The following ANO10 variants were observed in gnomAD, a reference collection of about 807,000 sequenced individuals.
ANO10 encodes anoctamin-10.
A neutral mutation model predicts 74.7 loss-of-function variants in ANO10; 77 were observed. The observed-to-expected ratio is 1.03, with a 90% CI of 0.86 to 1.25. The LOEUF is 1.25. Ranked by LOEUF, ANO10 falls within the 50% of genes most tolerant of loss-of-function variation. The pLI is 0.00. For synonymous variants in ANO10, 279 were observed against 284.9 expected (o/e 0.98, Z 0.21); for missense variants, 721 against 778.1 (o/e 0.93, Z 0.87).
chr3:43,556,511 G>A (rs1349731629), intron 9 of ANO10, among the ~76,000 whole-genome samples: 2 of 152,132 alleles, frequency 1.3e-5, no homozygotes, highest in South Asian at 2.1e-4. Flanking sequence ...ATAGCTACAC[G>A]TTAACACTGT....
chr3:43,682,033 A>G (rs1180703780), intron 1 of ANO10, among the ~76,000 whole-genome samples: 1 of 152,216 alleles, frequency 6.6e-6, no homozygotes, highest in Non-Finnish European at 1.5e-5. Context: ...GAGAAGCAAG[A>G]GCAAACACAT....
intron 12 of ANO10, chr3:43,372,917 CCT>C: frequency 6.9e-7 from 1 of 1,457,524 alleles, no homozygotes; most frequent in Non-Finnish European, 9.2e-7. Flanking sequence ...ACTTGTGAAG[CCT>C]CTTTTTTTCA....
intron 7 of ANO10, among the ~76,000 whole-genome samples, chr3:43,568,306 A>C (rs1245005266): frequency 1.3e-4 from 20 of 152,090 alleles, no homozygotes; most frequent in Admixed American, 1.3e-3. Context: ...GATACCCAGG[A>C]ATTGAACTCA....
rs1204859600 is a variant in ANO10 at position 43,574,799 on chromosome 3, C to T, written c.1218+10G>A. On this transcript the variant is annotated intron_variant, in intron 7 of 12. Transcript: ENST00000292246. Reference sequence around the variant, plus strand: ...CATAAAATGGATTTGTACATAAACGCTGTACTTACCACTAAAACTTTCAGA... The same window carrying T: ...CATAAAATGGATTTGTACATAAACGTTGTACTTACCACTAAAACTTTCAGA... The T allele has an allele frequency of 2.5e-6, 4 of 1,610,216 alleles. No individual in the cohort carries two copies. The East Asian group carries it at 6.7e-5, about 27-fold the overall frequency.
At chr3:43,424,464 C>T (rs2092868043) in intron 12 of ANO10, 1 of 152,236 alleles carries the variant, frequency 6.6e-6, no homozygotes, top group Non-Finnish European at 1.5e-5. Context: ...GCAACTTCCC[C>T]AGTTACTCCT....
At position 43,561,299 on chromosome 3, in the gene ANO10, T is replaced by C. The variant is rs775884584; in HGVS notation, c.1397A>G (p.Lys466Arg). Reference protein sequence around the residue: ...QRKHGVRVKRKVQALKADIDA... With the variant: ...QRKHGVRVKRRVQALKADIDA... ...AATGTCTGCCTTTAAAGCCTGCACC[T>C]TCCTCTTCACCCGCACACCATGCTT... Residue 466 changes from lysine to arginine, a missense_variant, in exon 9 of 13, where the codon AAG becomes AGG. Lys to Arg is a conservative substitution (Grantham distance 26). Transcript: ENST00000292246. 6 of 1,614,068 alleles carry C rather than the reference T, an allele frequency of 3.7e-6. No individual in the cohort carries two copies. The highest frequency in any genetic ancestry group is 5.1e-6 in the Non-Finnish European group (6 of 1,180,030).
At chr3:43,459,780 C>T (rs1230535708) in intron 11 of ANO10, among the ~76,000 whole-genome samples, 4 of 152,092 alleles carry the variant, frequency 2.6e-5, no homozygotes, top group African/African-American at 9.7e-5. Flanking sequence ...GGACTGAGCT[C>T]CAGGCTGGTG....
chr3:43,622,874 T>C (rs1559795182), upstream of ANO10, among the ~76,000 whole-genome samples: 1 of 152,204 alleles, frequency 6.6e-6, no homozygotes, highest in Admixed American at 6.5e-5. Context: ...CTTTTTGTTG[T>C]TGTTGTTTTG....
rs192531429 is a variant in ANO10 at position 43,577,004 on chromosome 3, G to T, written c.850C>A (p.Pro284Thr). The change falls in exon 6 of 13, where the codon CCC becomes ACC. Residue 284 changes from proline (P) to threonine (T), a missense_variant. Physicochemically the swap from Pro to Thr is conservative, Grantham distance 38. Coordinates refer to ENST00000292246, the MANE Select transcript of ANO10 (RefSeq NM_018075.5). ...TLLMKRKFEE[P>T]RPGFHGVLGI... ...AAGACACCATGAAATCCTGGCCGGG[G>T]CTCCTCAAACTTTCTCTTCATGAGC... 89 of 1,613,736 alleles carry T rather than the reference G, an allele frequency of 5.5e-5. No homozygotes were observed. In the Admixed American group the frequency reaches 1.4e-3, roughly 25 times the overall value.
intron 11 of ANO10, among the ~76,000 whole-genome samples, chr3:43,528,467 A>T (rs973184798): frequency 6.6e-6 from 1 of 152,130 alleles, no homozygotes; most frequent in Admixed American, 6.5e-5. Flanking sequence ...ACAAATGAAC[A>T]AAATGGAAGA....
At chr3:43,632,959 A>G (rs754501363) in intron 1 of ANO10, among the ~76,000 whole-genome samples, 2 of 152,198 alleles carry the variant, frequency 1.3e-5, no homozygotes, top group Non-Finnish European at 2.9e-5. Context: ...TTTAAATATA[A>G]CAGCAACCTT....
At chr3:43,597,912 T>C (rs1040918158) in intron 4 of ANO10, among the ~76,000 whole-genome samples, 6 of 151,490 alleles carry the variant, frequency 4.0e-5, no homozygotes, top group African/African-American at 1.5e-4. Context: ...AGCAAGACTG[T>C]CTCAAAAAAA....
intron 1 of ANO10, among the ~76,000 whole-genome samples, chr3:43,630,646 A>T (rs1277337464): frequency 6.6e-6 from 1 of 152,172 alleles, no homozygotes; most frequent in Non-Finnish European, 1.5e-5. Context: ...TGCCTGGAAT[A>T]CTGTCCCCCA....
chr3:43,476,861 T>C (rs1277318217), intron 11 of ANO10, among the ~76,000 whole-genome samples: 1 of 152,214 alleles, frequency 6.6e-6, no homozygotes, highest in East Asian at 1.9e-4. Context: ...AAAGAAAACA[T>C]AGCAAACCTT....
intron 4 of ANO10, among the ~76,000 whole-genome samples, chr3:43,584,725 C>T (rs1442773963): frequency 6.6e-6 from 1 of 152,144 alleles, no homozygotes; most frequent in African/African-American, 2.4e-5. Flanking sequence ...CTAACTGCTT[C>T]GAAATCATGT....
chr3:43,454,058 C>A (rs1006098747), intron 11 of ANO10, among the ~76,000 whole-genome samples: 4 of 152,138 alleles, frequency 2.6e-5, no homozygotes, highest in Non-Finnish European at 5.9e-5. Flanking sequence ...AAAATGTAGA[C>A]AGGATAGCCA....
Position 43,479,049 on chromosome 3 carries a change from T to C in ANO10, c.1798-46322A>G, listed in dbSNP as rs575936672. 2.0e-5 allele frequency among the ~76,000 whole-genome samples: 3 copies of C among 152,330 alleles called. No homozygotes were observed. The South Asian group carries it at 6.2e-4, about 32-fold the overall frequency. Reference sequence around the variant, plus strand: ...TGTTAATCAAGGTTCCCTGATCCTTTTGTTTAATAACAGAAAAGAGGCACT... The same window carrying C: ...TGTTAATCAAGGTTCCCTGATCCTTCTGTTTAATAACAGAAAAGAGGCACT... On this transcript the variant is annotated intron_variant, in intron 11 of 12. Transcript: ENST00000292246.
At chr3:43,402,841 C>T (rs1392327266) in intron 12 of ANO10, among the ~76,000 whole-genome samples, 1 of 152,170 alleles carries the variant, frequency 6.6e-6, no homozygotes. Flanking sequence ...GCAGTAAATG[C>T]CCTACACCAA....
chr3:43,372,593 T>G (rs1333259485), intron 12 of ANO10: 1 of 483,374 alleles, frequency 2.1e-6, no homozygotes, highest in African/African-American at 1.9e-5. Flanking sequence ...TCAGCCTGTC[T>G]CCTCCTCATC....
Sources: allele counts gnomAD v4.1 joint callset (sites outside exome capture counted in the v4.1 genomes callset), GRCh38; gene constraint gnomAD v4.1.1; transcripts MANE v1.5; gene names NCBI Gene and HGNC (gene_info 2026-07-23, HGNC 2026-07-21).